Variants in SLC25A16 observed in about 807,000 individuals in gnomAD.
SLC25A16 encodes the protein solute carrier family 25 member 16, also known as mitochondrial coenzyme A transporter SLC25A16.
In SLC25A16, 39 loss-of-function variants were observed where a neutral mutation model predicts 41.5. The observed-to-expected ratio is 0.94, with a 90% CI of 0.73 to 1.23. SLC25A16 has a LOEUF of 1.23. Among genes scored for constraint, SLC25A16 ranks in the 50% most tolerant of loss-of-function variants. The probability of loss-of-function intolerance (pLI) is 0.00; values close to 1 mark genes in which losing one functional copy is unlikely to be tolerated. For missense variants in SLC25A16, 421 were observed against 426.9 expected, an observed-to-expected ratio of 0.99 and a Z score of 0.12; for synonymous variants, 146 against 147.8, an observed-to-expected ratio of 0.99 and a Z score of 0.09.
At chr10:68,496,123 C>A (rs951974241) in intron 4 of SLC25A16, among the ~76,000 whole-genome samples, 1 of 152,136 alleles carries the variant, frequency 6.6e-6, no homozygotes, top group East Asian at 1.9e-4. Context: ...CTTCTTGCAT[C>A]CCCTTGCCCC....
chr10:68,502,321 A>G (rs747678610), intron 4 of SLC25A16, among the ~76,000 whole-genome samples: 1 of 152,094 alleles, frequency 6.6e-6, no homozygotes, highest in Non-Finnish European at 1.5e-5. Context: ...AAAAACTAAC[A>G]TGTTTGGCCA....
rs148984813 is a variant in SLC25A16, at chr10:68,489,138, G to A, written c.611-509C>T. On this transcript the variant is annotated intron_variant, in intron 6 of 8. Transcript: ENST00000609923. The stretch of plus-strand genomic sequence containing the variant: ...TACAAAATTAGTCGGGTGTGGTGGC[G>A]CATGCCTGTAATCCCAGCTACTCGG... 4.3e-3 allele frequency among the ~76,000 whole-genome samples: 652 copies of A among 152,148 alleles called. 5 individuals are homozygous for A. Among genetic ancestry groups the A allele is most frequent in the African/African-American group, 0.015 (624 of 41,504 alleles).
chr10:68,524,914 G>A (rs780705254), intron 1 of SLC25A16, among the ~76,000 whole-genome samples: 1 of 151,550 alleles, frequency 6.6e-6, no homozygotes, highest in Non-Finnish European at 1.5e-5. Context: ...AGGCATGGTG[G>A]CATTCCCCTG....
intron 1 of SLC25A16, among the ~76,000 whole-genome samples, chr10:68,520,705 G>A (rs1457151296): frequency 1.3e-5 from 2 of 151,806 alleles, no homozygotes; most frequent in African/African-American, 2.4e-5. Flanking sequence ...CCAGCTACAC[G>A]GGAGGCTGAG....
intron 7 of SLC25A16, among the ~76,000 whole-genome samples, 167 bp downstream of exon 7, chr10:68,488,300 T>C (rs2052598326): frequency 6.6e-6 from 1 of 151,848 alleles, no homozygotes; most frequent in Non-Finnish European, 1.5e-5. Flanking sequence ...ATTTATAATA[T>C]GCTTAAAGTG....
intron 4 of SLC25A16, among the ~76,000 whole-genome samples, chr10:68,500,721 C>G (rs188496492): frequency 6.6e-6 from 1 of 150,586 alleles, no homozygotes; most frequent in South Asian, 2.1e-4. Context: ...ACCTGAGGTC[C>G]GGAGTTTGAG....
chr10:68,492,667 A>G (rs902878276), intron 6 of SLC25A16, among the ~76,000 whole-genome samples: 7 of 152,104 alleles, frequency 4.6e-5, no homozygotes, highest in Non-Finnish European at 8.8e-5. Context: ...GGGCAACAAG[A>G]GCGAAACTCC....
intron 3 of SLC25A16, among the ~76,000 whole-genome samples, chr10:68,504,672 C>T (rs1419984291): frequency 1.3e-5 from 2 of 151,130 alleles, no homozygotes; most frequent in African/African-American, 4.9e-5. Flanking sequence ...GCCACCGCAC[C>T]CGGCCTTGTT....
At chr10:68,493,897 G>A (rs1021391524) in intron 4 of SLC25A16, among the ~76,000 whole-genome samples, 1 of 152,020 alleles carries the variant, frequency 6.6e-6, no homozygotes, top group African/African-American at 2.4e-5. Flanking sequence ...TAAGATATCA[G>A]AAAGGAAACA....
At chr10:68,494,105 C>T (rs529483579) in intron 4 of SLC25A16, among the ~76,000 whole-genome samples, 1 of 152,262 alleles carries the variant, frequency 6.6e-6, no homozygotes, top group East Asian at 1.9e-4. Context: ...AATCTACACC[C>T]AGCCCAACTC....
chr10:68,501,299 T>C (rs1250856330), intron 4 of SLC25A16, among the ~76,000 whole-genome samples: 2 of 152,034 alleles, frequency 1.3e-5, no homozygotes, highest in Non-Finnish European at 2.9e-5. Flanking sequence ...ATTTGGAAAC[T>C]TTCTCACATT....
chr10:68,506,460 A>C (rs936341643), intron 3 of SLC25A16, 125 bp downstream of exon 3: 5 of 691,186 alleles, frequency 7.2e-6, no homozygotes, highest in African/African-American at 5.7e-5. Flanking sequence ...AAAAAAAAAA[A>C]ACCAATAATT....
In SLC25A16 at chr10:68,527,441, G is replaced by T. The variant is rs1016071515; in HGVS notation, c.-66C>A. On this transcript the variant is annotated 5_prime_UTR_variant, in exon 1 of 9. Coordinates refer to ENST00000609923, the MANE Select transcript of SLC25A16 (RefSeq NM_152707.4). ...CAGAACACCGGACGGGACCATAGCC[G>T]GAACAGGCGGTGACAGGAGGCTGAC... 3.6e-6 allele frequency: 5 copies of T among 1,392,536 alleles called. No homozygotes were observed. Among genetic ancestry groups the T allele is most frequent in the South Asian group, 3.1e-5 (2 of 64,736 alleles). The allele number at this position is 1,392,536 out of a possible 1,614,324, so 86.3% of individuals were successfully genotyped here. A position where few individuals can be genotyped will look rare whatever the true frequency, so the allele number is the denominator to read the frequency against.
chr10:68,483,424 A>ATT lies in SLC25A16; in HGVS notation c.*6_*7dup, dbSNP rs754318009. ...AATGTATTAAGAAAAACCAACCATA[A>ATT]TTTTTTTTTAGTTGAGGTGAAAAAA... is the stretch of plus-strand genomic sequence containing the variant. On this transcript the variant is annotated 3_prime_UTR_variant, in exon 9 of 9. Coordinates refer to ENST00000609923, the MANE Select transcript of SLC25A16 (RefSeq NM_152707.4). The ATT allele has an allele frequency of 3.3e-6, 5 of 1,527,364 alleles. No individual in the cohort carries two copies. The highest frequency in any genetic ancestry group is 2.5e-5 in the South Asian group (2 of 80,542). The allele number at this position is 1,527,364 out of a possible 1,614,324, so 94.6% of individuals were successfully genotyped here. A position where few individuals can be genotyped will look rare whatever the true frequency, so the allele number is the denominator to read the frequency against.
intron 1 of SLC25A16, among the ~76,000 whole-genome samples, chr10:68,521,152 C>T (rs997202333): frequency 2.6e-5 from 4 of 151,862 alleles, no homozygotes; most frequent in Admixed American, 2.6e-4. Flanking sequence ...AAGGAACACA[C>T]AGACACACAC....
chr10:68,520,918 A>G (rs2133598650), intron 1 of SLC25A16, among the ~76,000 whole-genome samples: 1 of 151,184 alleles, frequency 6.6e-6, no homozygotes, highest in Non-Finnish European at 1.5e-5. Flanking sequence ...GGCAGATCGC[A>G]AGGTCAGGAG....
chr10:68,516,288 C>T (rs1467042328), intron 2 of SLC25A16, among the ~76,000 whole-genome samples: 2 of 152,068 alleles, frequency 1.3e-5, no homozygotes, highest in Non-Finnish European at 2.9e-5. Context: ...TGGAACGGGA[C>T]CTCACAGCCT....
chr10:68,507,727 T>G (rs2052982158), intron 2 of SLC25A16, among the ~76,000 whole-genome samples: 1 of 152,152 alleles, frequency 6.6e-6, no homozygotes, highest in Non-Finnish European at 1.5e-5. Context: ...TATTACTACT[T>G]CCATTATTCA....
chr10:68,507,873 G>C (rs534365692), intron 2 of SLC25A16, among the ~76,000 whole-genome samples: 38 of 152,128 alleles, frequency 2.5e-4, no homozygotes, highest in Non-Finnish European at 4.1e-4. Flanking sequence ...AAAATTGTAG[G>C]TACTTATTAA....
Sources: gnomAD v4.1 joint callset for allele counts (sites outside exome capture counted in the v4.1 genomes callset) on GRCh38, gnomAD v4.1.1 for gene constraint, MANE v1.5 for transcripts, NCBI Gene and HGNC (gene_info 2026-07-23, HGNC 2026-07-21) for gene names.